KIF7: variants seen among roughly 807,000 people sequenced by gnomAD.
KIF7 encodes the protein kinesin family member 7, also known as kinesin-like protein KIF7.
In KIF7, 104 loss-of-function variants were observed where a neutral mutation model predicts 135.7. That is an observed-to-expected ratio of 0.77 (90% CI 0.65 to 0.90). The LOEUF is 0.90. Among genes scored for constraint, KIF7 ranks in the 40% least tolerant of loss-of-function variants. The probability of loss-of-function intolerance (pLI) is 0.00; values close to 1 mark genes in which losing one functional copy is unlikely to be tolerated. For synonymous variants in KIF7, 883 were observed against 809.4 expected (o/e 1.09, Z -1.54); for missense variants, 2,005 against 1,839.1 (o/e 1.09, Z -1.65).
intron 14 of KIF7, 23 bp downstream of exon 14, chr15:89,632,797 G>A: frequency 1.3e-6 from 2 of 1,596,432 alleles, no homozygotes; most frequent in Non-Finnish European, 8.5e-7. Flanking sequence ...CACCTGGCAG[G>A]ATCTCTCCTG....
At chr15:89,633,595 G>C in intron 12 of KIF7, 91 bp downstream of exon 12, 1 of 1,391,860 alleles carries the variant, frequency 7.2e-7, no homozygotes, top group Non-Finnish European at 9.9e-7. Flanking sequence ...CGTGGCTGTG[G>C]GTTGCAAACC....
downstream of KIF7, chr15:89,627,344 C>A (rs1963551546): frequency 2.3e-6 from 1 of 433,988 alleles, no homozygotes; most frequent in South Asian, 4.6e-5. Flanking sequence ...AGTCAGGAAC[C>A]CAGACAAGGA....
Position 89,652,717 on chromosome 15 carries a change from G to C in KIF7, c.214C>G (p.Gln72Glu), listed in dbSNP as rs1201439891. The C allele has an allele frequency of 2.6e-6, 4 of 1,551,648 alleles. No homozygotes were observed. Among genetic ancestry groups the C allele is most frequent in the Non-Finnish European group, 3.5e-6 (4 of 1,146,986 alleles). Residue 72 changes from glutamine to glutamate, a missense_variant, in exon 2 of 19, where the codon CAG becomes GAG. Gln to Glu is a conservative substitution (Grantham distance 29, BLOSUM62 2). Coordinates refer to ENST00000394412, the MANE Select transcript of KIF7 (RefSeq NM_198525.3). ...AEDAGQEAVY[Q>E]ACVQPLLEAF... Reference sequence around the variant, plus strand: ...TCAAGGAGGGGCTGAACGCAGGCCTGGTACACGGCCTCCTGCCCCGCATCC... The same window carrying C: ...TCAAGGAGGGGCTGAACGCAGGCCTCGTACACGGCCTCCTGCCCCGCATCC...
At chr15:89,660,260 T>C (rs1249882442), upstream of KIF7, among the ~76,000 whole-genome samples, 1 of 152,176 alleles carries the variant, frequency 6.6e-6, no homozygotes, top group Non-Finnish European at 1.5e-5. Flanking sequence ...GTGGCAGAGA[T>C]TACAAGTTAC....
chr15:89,631,649 G>A lies in KIF7; in HGVS notation c.2957C>T (p.Ser986Phe), dbSNP rs746893972. 2.4e-5 allele frequency: 37 copies of A among 1,562,614 alleles called. No individual in the cohort carries two copies. Among genetic ancestry groups the A allele is most frequent in the Non-Finnish European group, 2.8e-5 (32 of 1,152,316 alleles). The part of the protein sequence containing the change: ...SRLEHLEKEL[S>F]EKSGQLRQGS... ...CTGCCGCAGCTGCCCGCTCTTCTCG[G>A]ACAGCTCCTTCTCCAGGTGCTCCAG... The change falls in exon 15 of 19, where the codon TCC (serine) becomes TTC (phenylalanine). Residue 986 changes from serine (S) to phenylalanine (F), a missense_variant. Physicochemically the swap from Ser to Phe is radical, Grantham distance 155 (BLOSUM62 -2). Coordinates refer to ENST00000394412, the MANE Select transcript of KIF7 (RefSeq NM_198525.3).
chr15:89,652,952 G>A lies in KIF7; in HGVS notation c.-22C>T. ...CCATGCCGAGGGAGGACTGCTCTGGGCCCTGTGGAGAGAGAGAGAAGCCCT... is the reference window on the plus strand; with the variant it reads ...CCATGCCGAGGGAGGACTGCTCTGGACCCTGTGGAGAGAGAGAGAAGCCCT... On this transcript the variant is annotated splice_region_variant and 5_prime_UTR_variant, in exon 2 of 19. Coordinates refer to ENST00000394412, the MANE Select transcript of KIF7 (RefSeq NM_198525.3). 1 of 1,477,312 alleles carries A rather than the reference G, an allele frequency of 6.8e-7. No individual in the cohort carries two copies. The allele number at this position is 1,477,312 out of a possible 1,614,324, so 91.5% of individuals were successfully genotyped here.
At chr15:89,641,493 G>A (rs999853845) in intron 11 of KIF7, among the ~76,000 whole-genome samples, 1 of 152,210 alleles carries the variant, frequency 6.6e-6, no homozygotes, top group African/African-American at 2.4e-5. Context: ...TGGACAGGTG[G>A]TCAATCCACT....
intron 15 of KIF7, chr15:89,631,012 CAT>C (rs3035162): frequency 0.28 from 62,315 of 221,546 alleles, 10,246 homozygotes; most frequent in South Asian, 0.39. Flanking sequence ...TGTATCTAAA[CAT>C]AGAAAACGCA....
At chr15:89,621,908 G>A (rs778456467) in intron 1 of KIF7, among the ~76,000 whole-genome samples, 17 of 151,662 alleles carry the variant, frequency 1.1e-4, no homozygotes, top group Admixed American at 2.0e-4. Flanking sequence ...TTAGAAACCT[G>A]GGAGTCATCC....
Position 89,628,494 on chromosome 15 carries a change from C to A in KIF7, c.3957G>T (p.Gly1319=), listed in dbSNP as rs886051529. ...GTTCCCGCCGGGGCTTGGACAAAGG[C>A]CCAAAGTTCCAGGGCAGGCCTGCCT... The part of the protein sequence containing the change: ...VGEAGLPWNF[G]PLSKPRRELR... The change falls in exon 19 of 19, where the codon GGG becomes GGT. Residue 1319 remains glycine (G), a synonymous_variant. Coordinates refer to ENST00000394412, the MANE Select transcript of KIF7 (RefSeq NM_198525.3). 4 of 1,612,464 alleles carry A rather than the reference C, an allele frequency of 2.5e-6. No homozygotes were observed. The highest frequency in any genetic ancestry group is 1.7e-6 in the Non-Finnish European group (2 of 1,179,652).
chr15:89,623,960 A>C, downstream of KIF7: 24 of 1,614,046 alleles, frequency 1.5e-5, no homozygotes, highest in Non-Finnish European at 2.0e-5. Flanking sequence ...CATTCAGTGA[A>C]TTCCAGTCCA....
At position 89,649,896 on chromosome 15, in the gene KIF7, G is replaced by A. The variant is rs771500087; in HGVS notation, c.374C>T (p.Ala125Val). ...CTCATCGATGAGCTTGAAGGCCTCG[G>A]CCATGGCCCTCGGGACAATGCCCTG... Reference protein sequence around the residue: ...DEQGIVPRAMAEAFKLIDEND... With the variant: ...DEQGIVPRAMVEAFKLIDEND... The change falls in exon 3 of 19, where the codon GCC becomes GTC. Residue 125 changes from alanine to valine, a missense_variant. Physicochemically the swap from Ala to Val is moderately conservative, Grantham distance 64. Coordinates refer to ENST00000394412, the MANE Select transcript of KIF7 (RefSeq NM_198525.3). The A allele has an allele frequency of 9.0e-6, 14 of 1,551,730 alleles. No individual in the cohort carries two copies. Among genetic ancestry groups the A allele is most frequent in the Non-Finnish European group, 7.8e-6 (9 of 1,147,002 alleles).
At chr15:89,630,562 C>T (rs958588270) in intron 15 of KIF7, 69 bp from the exon 16 acceptor site, 2 of 1,292,022 alleles carry the variant, frequency 1.5e-6, no homozygotes, top group Non-Finnish European at 2.2e-6. Flanking sequence ...GGCAGACATG[C>T]AACAGCCAAC....
chr15:89,633,919 G>C (rs1963744192), intron 11 of KIF7, 36 bp from the exon 12 acceptor site: 2 of 1,609,610 alleles, frequency 1.2e-6, no homozygotes, highest in African/African-American at 2.7e-5. Flanking sequence ...GCCATGCACG[G>C]GGCTACCGCG....
At chr15:89,629,270 A>T in intron 17 of KIF7, 105 bp downstream of exon 17, 2 of 794,182 alleles carry the variant, frequency 2.5e-6, no homozygotes, top group Non-Finnish European at 3.3e-6. Flanking sequence ...AGGGGCTGTG[A>T]GTGGCAGGGG....
At chr15:89,618,271 G>C in intron 1 of KIF7, 1 of 1,470,264 alleles carries the variant, frequency 6.8e-7, no homozygotes, top group Non-Finnish European at 9.5e-7. Flanking sequence ...AAACCTTTCT[G>C]TATGTATTGT....
chr15:89,657,609 A>C (rs553359855), upstream of KIF7, among the ~76,000 whole-genome samples: 1 of 152,272 alleles, frequency 6.6e-6, no homozygotes, highest in Non-Finnish European at 1.5e-5. Flanking sequence ...AGCTGATTCC[A>C]TGTATTAGGG....
chr15:89,623,685 T>C (rs1963461067), downstream of KIF7: 4 of 1,613,976 alleles, frequency 2.5e-6, no homozygotes, highest in East Asian at 2.2e-5. Flanking sequence ...GAAGGATCTC[T>C]CATACACCAC....
At chr15:89,632,264 T>C (rs1963696279) in intron 14 of KIF7, among the ~76,000 whole-genome samples, 1 of 152,006 alleles carries the variant, frequency 6.6e-6, no homozygotes, top group Non-Finnish European at 1.5e-5. Flanking sequence ...ATGACGGCCA[T>C]CCCCCTCCAG....
Sources: gnomAD v4.1 joint callset for allele counts (sites outside exome capture counted in the v4.1 genomes callset) on GRCh38, gnomAD v4.1.1 for gene constraint, MANE v1.5 for transcripts, NCBI Gene and HGNC (gene_info 2026-07-23, HGNC 2026-07-21) for gene names.